The following BRWD1 variants were observed in gnomAD, a reference collection of about 807,000 sequenced individuals.
BRWD1 encodes bromodomain and WD repeat-containing protein 1.
Under a neutral mutation model 251.2 loss-of-function variants are expected in BRWD1, and 82 were observed. The observed-to-expected ratio is 0.33, with a 90% CI of 0.27 to 0.39. The LOEUF (loss-of-function observed/expected upper bound fraction) is 0.39. Ranked by LOEUF, BRWD1 falls within the 10% of genes least tolerant of loss-of-function variation. The pLI, the probability that BRWD1 is intolerant of heterozygous loss-of-function variation, is 1.00. For synonymous variants in BRWD1, 918 were observed against 902.8 expected (o/e 1.02, Z -0.30); for missense variants, 2,233 against 2,711.6 (o/e 0.82, Z 3.92).
chr21:39,265,269 CA>C (rs1387450499), intron 15 of BRWD1, among the ~76,000 whole-genome samples: 8 of 151,822 alleles, frequency 5.3e-5, no homozygotes, highest in Non-Finnish European at 1.0e-4. Flanking sequence ...ACTAAAAATA[CA>C]AAAAATTAGC....
Position 39,248,655 on chromosome 21 carries a change from A to C in BRWD1, c.2350-823T>G, listed in dbSNP as rs377592783. Among the ~76,000 whole-genome samples the C allele has an allele frequency of 4.6e-3, 216 of 47,012 alleles. 1 individual carries two copies. The highest frequency in any genetic ancestry group is 0.01 in the Middle Eastern group (1 of 100). 30.8% of individuals were successfully genotyped at this position (47,012 alleles called of 152,430 possible). On this transcript the variant is annotated intron_variant, in intron 20 of 40. Transcript: ENST00000342449. ...ACCCTATCTCCCAAAAAAAAAAAAA[A>C]AAAAAAAAAAAAAAAAAAAAAAAAA...
chr21:39,238,734 C>T (rs1307721549), intron 21 of BRWD1, among the ~76,000 whole-genome samples, 161 bp from the exon 22 acceptor site: 1 of 152,154 alleles, frequency 6.6e-6, no homozygotes, highest in Non-Finnish European at 1.5e-5. Flanking sequence ...AAGCAAACTT[C>T]TTCACTACAT....
In BRWD1 at chr21:39,188,928, A is replaced by T. The variant is rs1471880109; in HGVS notation, c.*7331T>A. On this transcript the variant is annotated 3_prime_UTR_variant, in exon 41 of 41. Transcript: ENST00000342449. ...ACCAGAGTAAGACACTCATCACGGC[A>T]TTACTCTCATGCAGCATGCCCTTAC... 1 of 985,258 alleles carries T rather than the reference A, an allele frequency of 1.0e-6. No homozygotes were observed. The highest frequency in any genetic ancestry group is 1.2e-6 in the Non-Finnish European group (1 of 829,912). The allele number at this position is 985,258 out of a possible 1,614,324, so 61.0% of individuals were successfully genotyped here. A position where few individuals can be genotyped will look rare whatever the true frequency, so the allele number is the denominator to read the frequency against.
At position 39,191,269 on chromosome 21, in the gene BRWD1, A is replaced by G; in HGVS notation, c.*4990T>C. 1.0e-6 allele frequency: 1 copy of G among 985,348 alleles called. No homozygotes were observed. Among genetic ancestry groups the G allele is most frequent in the Non-Finnish European group, 1.2e-6 (1 of 829,910 alleles). The allele number at this position is 985,348 out of a possible 1,614,324, so 61.0% of individuals were successfully genotyped here. A position where few individuals can be genotyped will look rare whatever the true frequency, so the allele number is the denominator to read the frequency against. ...AGTTCCCCTATCCAAGCTCATATGTAAAACTCACAGCGCTCGCACCCCTAT... is the reference window on the plus strand; with the variant it reads ...AGTTCCCCTATCCAAGCTCATATGTGAAACTCACAGCGCTCGCACCCCTAT... On this transcript the variant is annotated 3_prime_UTR_variant, in exon 41 of 41. Coordinates refer to ENST00000342449, the MANE Select transcript of BRWD1 (RefSeq NM_033656.4).
intron 20 of BRWD1, 88 bp from the exon 21 acceptor site, chr21:39,247,920 G>T: frequency 7.3e-7 from 1 of 1,369,426 alleles, no homozygotes. Flanking sequence ...GTTTCCAGAA[G>T]GATTTAAAGC....
At chr21:39,289,714 C>T (rs1000931793) in intron 8 of BRWD1, among the ~76,000 whole-genome samples, 8 of 152,166 alleles carry the variant, frequency 5.3e-5, no homozygotes, top group South Asian at 2.1e-4. Flanking sequence ...TATCAACTTC[C>T]GTTACTTCTA....
intron 19 of BRWD1, among the ~76,000 whole-genome samples, chr21:39,254,546 G>A (rs996953166): frequency 3.3e-5 from 5 of 152,164 alleles, no homozygotes; most frequent in African/African-American, 1.2e-4. Flanking sequence ...CAAATTGGTC[G>A]CTGTTGAATA....
At chr21:39,273,096 A>G (rs1048786975) in intron 13 of BRWD1, among the ~76,000 whole-genome samples, 3 of 152,358 alleles carry the variant, frequency 2.0e-5, no homozygotes, top group Middle Eastern at 3.4e-3. Flanking sequence ...AATTATAGGA[A>G]AAGTCCCCTT....
rs768689107 is a variant in BRWD1, at chr21:39,312,865, C to T, written c.174G>A (p.Glu58=). The T allele has an allele frequency of 2.5e-6, 4 of 1,576,984 alleles. No individual in the cohort carries two copies. In the East Asian group the frequency reaches 7.1e-5, roughly 28 times the overall value. Residue 58 remains glutamate (E), a synonymous_variant, in exon 4 of 41, where the codon GAG becomes GAA. Transcript: ENST00000342449. ...LPKRLDWEGN[E]HNRSYEELVL... ...CCAACTCCTCGTAGCTCCTGTTGTG[C>T]TCGTTGCCCTCCCAGTCCAATCTCT...
At chr21:39,295,986 G>A (rs1321140930) in intron 6 of BRWD1, 83 bp from the exon 7 acceptor site, 3 of 1,214,660 alleles carry the variant, frequency 2.5e-6, no homozygotes, top group African/African-American at 1.5e-5. Flanking sequence ...AATTTCTAGA[G>A]GGTCACAAAA....
intron 17 of BRWD1, among the ~76,000 whole-genome samples, chr21:39,262,849 G>A (rs1018874763): frequency 1.4e-4 from 22 of 152,168 alleles, no homozygotes; most frequent in African/African-American, 5.1e-4. Flanking sequence ...TTTGGGGGCA[G>A]TATAAATGGT....
chr21:39,314,713 TCTTA>T (rs2036660509), upstream of BRWD1: 2 of 253,846 alleles, frequency 7.9e-6, no homozygotes, highest in African/African-American at 4.6e-5. Context: ...CAATTCTGAT[TCTTA>T]CTCATGGCAA....
chr21:39,313,470 G>A lies in BRWD1; in HGVS notation c.22C>T (p.Arg8Ter). ...GACTCGATGAGAGGCACCGGGCGTC[G>A]GGCGGACGACGGCTCCGCCATGGCC... Reference protein sequence around the residue: MAEPSSARRPVPLIESEL... With the variant: MAEPSSA Residue 8 changes from arginine to a stop codon, truncating the protein, a stop_gained, in exon 1 of 41, where the codon CGA (arginine) becomes TGA (stop). Coordinates refer to ENST00000342449, the MANE Select transcript of BRWD1 (RefSeq NM_033656.4). LOFTEE classifies it high-confidence loss of function. 2 of 1,349,220 alleles carry A rather than the reference G, an allele frequency of 1.5e-6. No individual in the cohort carries two copies. Among genetic ancestry groups the A allele is most frequent in the Non-Finnish European group, 1.9e-6 (2 of 1,056,728 alleles). The allele number at this position is 1,349,220 out of a possible 1,614,324, so 83.6% of individuals were successfully genotyped here.
chr21:39,196,521 C>A lies in BRWD1; in HGVS notation c.6548G>T (p.Gly2183Val). The change falls in exon 41 of 41, where the codon GGA (glycine) becomes GTA (valine). Residue 2183 changes from glycine (G) to valine (V), a missense_variant. Around this residue, in one of 12 missense-constraint regions of BRWD1, gnomAD observed 928 missense variants for 970.0 expected, o/e 0.96. Transcript: ENST00000342449. ...ACCTTTTCTAACTACTTTTGCTTTT[C>A]CTTTCGTTTTCCTCCTTTTGGTTTT... Reference protein sequence around the residue: ...NTKTKRRKTKGKAKVVRKGKT... With the variant: ...NTKTKRRKTKVKAKVVRKGKT... The A allele has an allele frequency of 3.1e-6, 5 of 1,613,558 alleles. No homozygotes were observed. The highest frequency in any genetic ancestry group is 4.2e-6 in the Non-Finnish European group (5 of 1,179,758).
rs1442944050 is a variant in BRWD1, at chr21:39,224,481, C to A, written c.3321-12G>T. On this transcript the variant is annotated splice_polypyrimidine_tract_variant and intron_variant, in intron 28 of 40. Transcript: ENST00000342449. ...CAGTATTATCCCACCTGTTAAAAAA[C>A]AACAAATCTCTGGTTAGCCTTTCAT... The A allele has an allele frequency of 1.3e-6, 2 of 1,580,292 alleles. No homozygotes were observed. Among genetic ancestry groups the A allele is most frequent in the Non-Finnish European group, 8.6e-7 (1 of 1,159,928 alleles).
chr21:39,250,891 T>C lies in BRWD1; in HGVS notation c.2256-2A>G. On this transcript the variant is annotated splice_acceptor_variant, in intron 19 of 40. Transcript: ENST00000342449. LOFTEE classifies it high-confidence loss of function. ...TCTAATCGGAAGTCTTCCAGCTTCC[T>C]ACAAATTTAAATACCCAGTTATATT... The C allele has an allele frequency of 6.3e-7, 1 of 1,576,454 alleles. No individual in the cohort carries two copies. Among genetic ancestry groups the C allele is most frequent in the Non-Finnish European group, 8.6e-7 (1 of 1,157,856 alleles).
chr21:39,194,830 A>G lies in BRWD1; in HGVS notation c.*1429T>C. On this transcript the variant is annotated 3_prime_UTR_variant, in exon 41 of 41. Coordinates refer to ENST00000342449, the MANE Select transcript of BRWD1 (RefSeq NM_033656.4). ...AGTCTGATGCTTCACCTTATCTGCCACTTCAAAGATACACAGGAGAAAAGG... is the reference window on the plus strand; with the variant it reads ...AGTCTGATGCTTCACCTTATCTGCCGCTTCAAAGATACACAGGAGAAAAGG... The G allele has an allele frequency of 6.5e-7, 1 of 1,534,240 alleles. No homozygotes were observed. Among genetic ancestry groups the G allele is most frequent in the Non-Finnish European group, 8.7e-7 (1 of 1,145,386 alleles).
chr21:39,315,815 T>G (rs889967656), upstream of BRWD1: 3 of 151,354 alleles, frequency 2.0e-5, no homozygotes, highest in Non-Finnish European at 4.4e-5. Context: ...GGGAAACAGA[T>G]GTAAGCAAAT....
At chr21:39,300,745 A>ACCC in intron 4 of BRWD1, among the ~76,000 whole-genome samples, 1 of 152,354 alleles carries the variant, frequency 6.6e-6, no homozygotes, top group South Asian at 2.1e-4. Flanking sequence ...AAGAGGGGAA[A>ACCC]TGGTCAATAG....
Sources: gnomAD v4.1 joint callset for allele counts (sites outside exome capture counted in the v4.1 genomes callset) on GRCh38, gnomAD v4.1.1 for gene constraint, gnomAD v4.1.1 regional missense constraint, MANE v1.5 for transcripts, NCBI Gene and HGNC (gene_info 2026-07-23, HGNC 2026-07-21) for gene names.